Variants in FER1L6 observed in about 807,000 individuals in gnomAD.
The protein encoded by FER1L6 is fer-1-like protein 6.
FER1L6 carries 177 observed loss-of-function variants against 219.2 expected under a neutral mutation model. The ratio of observed to expected loss-of-function variants is 0.81; its 90% CI spans 0.71 to 0.91. The LOEUF (loss-of-function observed/expected upper bound fraction) is 0.91. FER1L6 is among the 40% of genes least tolerant of loss of function. The pLI is 0.00. For missense variants in FER1L6, 2,153 were observed against 2,259.9 expected (o/e 0.95, Z 0.96); for synonymous variants, 768 against 824.3 (o/e 0.93, Z 1.17).
At chr8:124,085,707 T>C (rs1487605521) in intron 33 of FER1L6, among the ~76,000 whole-genome samples, 1 of 151,678 alleles carries the variant, frequency 6.6e-6, no homozygotes, top group East Asian at 1.9e-4. Context: ...AGCTGTTGGA[T>C]GAAATGTTCT....
At chr8:123,994,851 C>T (rs1433831512) in intron 12 of FER1L6, among the ~76,000 whole-genome samples, 1 of 152,208 alleles carries the variant, frequency 6.6e-6, no homozygotes, top group Non-Finnish European at 1.5e-5. Flanking sequence ...GAATGGCTTC[C>T]CTCTATCTGT....
chr8:124,049,890 G>C (rs571775975), intron 22 of FER1L6, 134 bp downstream of exon 22: 1 of 874,432 alleles, frequency 1.1e-6, no homozygotes, highest in Admixed American at 2.1e-5. Context: ...GTCTCCTGGG[G>C]ACCTGAGAGG....
chr8:124,017,667 G>A lies in FER1L6; in HGVS notation c.1962G>A (p.Leu654=). The part of the protein sequence containing the change: ...ISEAEKKPKM[L]NQTTLDKKRL... ...AAGCAGAAAAAAAGCCCAAGATGTT[G>A]AACCAAACCACTTTAGATAAGAAGC... Residue 654 remains leucine (L), a synonymous_variant, in exon 16 of 41, where the codon TTG becomes TTA. Transcript: ENST00000522917. 6.2e-7 allele frequency: 1 copy of A among 1,613,794 alleles called. No homozygotes were observed. Among genetic ancestry groups the A allele is most frequent in the Non-Finnish European group, 8.5e-7 (1 of 1,179,768 alleles).
At chr8:123,987,626 T>C (rs1563726975) in intron 12 of FER1L6, among the ~76,000 whole-genome samples, 1 of 152,308 alleles carries the variant, frequency 6.6e-6, no homozygotes, top group African/African-American at 2.4e-5. Flanking sequence ...GTTTTCCCAA[T>C]GTTTTCTTGT....
intron 1 of FER1L6, among the ~76,000 whole-genome samples, chr8:123,944,463 T>C (rs1199173490): frequency 6.6e-6 from 1 of 151,886 alleles, no homozygotes. Flanking sequence ...GCTGGGTAAC[T>C]GAGCAAGTTG....
rs770147778 is a variant in FER1L6 at position 124,049,675 on chromosome 8, GC to G, written c.2799del (p.Arg934GlyfsTer56). ...TGAAGCTGGCTGACCAGGACTATGA[GC>G]CCCCCAGGTTATGCTATCACCCCAT... ...VVKLADQDYEPPRLCYHPIFC... is the reference protein window; with the variant it reads ...VVKLADQDYEXPRLCYHPIFC... On this transcript the variant is annotated frameshift_variant, in exon 22 of 41. Transcript: ENST00000522917. LOFTEE classifies it high-confidence loss of function. 20 of 1,613,820 alleles carry G rather than the reference GC, an allele frequency of 1.2e-5. No homozygotes were observed. The highest frequency in any genetic ancestry group is 2.7e-5 in the African/African-American group (2 of 74,910).
intron 1 of FER1L6, among the ~76,000 whole-genome samples, chr8:123,907,054 A>T (rs952692868): frequency 3.9e-5 from 6 of 152,304 alleles, no homozygotes; most frequent in African/African-American, 1.4e-4. Flanking sequence ...TCACTGTTGC[A>T]TGACAGCAGC....
Position 124,118,883 on chromosome 8 carries a change from G to A in FER1L6, c.5329G>A (p.Glu1777Lys), listed in dbSNP as rs1324539753. 9 of 1,614,052 alleles carry A rather than the reference G, an allele frequency of 5.6e-6. No individual in the cohort carries two copies. The highest frequency in any genetic ancestry group is 4.5e-5 in the East Asian group (2 of 44,882). Residue 1777 changes from glutamate (E) to lysine (K), a missense_variant, in exon 40 of 41, where the codon GAA (glutamate) becomes AAA (lysine). Glu to Lys is a moderately conservative substitution (Grantham distance 56). Transcript: ENST00000522917. ...EAEFHLVTAE[E>K]AEKNPVGKAR... is the part of the protein sequence containing the mutation. The stretch of plus-strand genomic sequence containing the variant: ...TGAGTTCCACCTAGTTACAGCAGAA[G>A]AAGCTGAGAAAAATCCTGTTGGAAA...
In FER1L6 at chr8:124,010,772, T is replaced by C. The variant is rs1817885810; in HGVS notation, c.1821+58T>C. On this transcript the variant is annotated intron_variant, in intron 14 of 40. Transcript: ENST00000522917. ...ATTGGGAAGCTGGTGGGGGAAGGGA[T>C]TTTTAAAATCCACCTAGTAGAGGAT... 3.1e-6 allele frequency: 5 copies of C among 1,596,840 alleles called. No homozygotes were observed. The Admixed American group carries it at 6.9e-5, about 22-fold the overall frequency.
intron 39 of FER1L6, among the ~76,000 whole-genome samples, chr8:124,114,660 G>C (rs1460185804): frequency 6.6e-6 from 1 of 151,618 alleles, no homozygotes; most frequent in Non-Finnish European, 1.5e-5. Flanking sequence ...TCTGAGTTTT[G>C]AATTATTTCC....
At chr8:124,073,203 G>A (rs948567720) in intron 31 of FER1L6, among the ~76,000 whole-genome samples, 1 of 152,202 alleles carries the variant, frequency 6.6e-6, no homozygotes, top group Non-Finnish European at 1.5e-5. Flanking sequence ...CCTTATTCAT[G>A]TATTCATTCA....
chr8:123,905,034 A>G (rs1812925975), intron 1 of FER1L6, among the ~76,000 whole-genome samples: 1 of 152,204 alleles, frequency 6.6e-6, no homozygotes. Flanking sequence ...TGGTCCAGCC[A>G]TTGAGTTTCA....
At chr8:124,089,614 A>G (rs1821936478) in intron 33 of FER1L6, among the ~76,000 whole-genome samples, 1 of 152,206 alleles carries the variant, frequency 6.6e-6, no homozygotes, top group Non-Finnish European at 1.5e-5. Context: ...TTTTTAAAGC[A>G]TGCTGTATCT....
chr8:124,091,412 CCACTTTT>C lies in FER1L6; in HGVS notation c.4392-8_4392-2del. The stretch of plus-strand genomic sequence containing the variant: ...GAGGACCTCAAAGTGTGTTCTCCCT[CCACTTTT>C]CAGAGAAGGATACAATGCCTGGAGA... On this transcript the variant is annotated splice_region_variant and splice_polypyrimidine_tract_variant and intron_variant, in intron 33 of 40. Coordinates refer to ENST00000522917, the MANE Select transcript of FER1L6 (RefSeq NM_001039112.2). 6.2e-7 allele frequency: 1 copy of C among 1,612,026 alleles called. No homozygotes were observed. Among genetic ancestry groups the C allele is most frequent in the Non-Finnish European group, 8.5e-7 (1 of 1,178,388 alleles).
chr8:123,915,640 T>C (rs1389087711), intron 1 of FER1L6, among the ~76,000 whole-genome samples: 2 of 152,178 alleles, frequency 1.3e-5, no homozygotes, highest in Non-Finnish European at 2.9e-5. Context: ...CGTTTACAGA[T>C]TAGTAGTCTT....
At chr8:124,014,064 A>G (rs758573152) in intron 15 of FER1L6, among the ~76,000 whole-genome samples, 3 of 152,140 alleles carry the variant, frequency 2.0e-5, no homozygotes, top group Admixed American at 6.5e-5. Context: ...ACTGAAAATC[A>G]ACTGACAAAA....
intron 1 of FER1L6, among the ~76,000 whole-genome samples, chr8:123,920,063 T>C (rs1185483007): frequency 6.6e-6 from 1 of 152,206 alleles, no homozygotes; most frequent in East Asian, 1.9e-4. Flanking sequence ...TGCAAGGTGG[T>C]GACTGCAGAG....
At chr8:124,060,913 G>T (rs912921420) in intron 24 of FER1L6, 1 of 485,778 alleles carries the variant, frequency 2.1e-6, no homozygotes, top group African/African-American at 2.0e-5. Flanking sequence ...ATCAAAGCAG[G>T]TTGACAAACT....
intron 2 of FER1L6, among the ~76,000 whole-genome samples, chr8:123,958,264 C>T (rs1055111990): frequency 3.3e-5 from 5 of 152,192 alleles, no homozygotes; most frequent in Non-Finnish European, 4.4e-5. Context: ...TTTGCCCCTC[C>T]GGATCTATTC....
Sources: allele counts gnomAD v4.1 joint callset (sites outside exome capture counted in the v4.1 genomes callset), GRCh38; gene constraint gnomAD v4.1.1; transcripts MANE v1.5; gene names NCBI Gene and HGNC (gene_info 2026-07-23, HGNC 2026-07-21).